ZFAND3: variants seen among roughly 807,000 people sequenced by gnomAD.
The protein encoded by ZFAND3 is AN1-type zinc finger protein 3.
ZFAND3 carries 10 observed loss-of-function variants against 29.6 expected under a neutral mutation model. That is an observed-to-expected ratio of 0.34 (90% confidence interval 0.21 to 0.57). The LOEUF (loss-of-function observed/expected upper bound fraction) is 0.57, where lower values mean the gene tolerates loss of function less well. Ranked by LOEUF, ZFAND3 falls within the 20% of genes least tolerant of loss-of-function variation. ZFAND3 has a pLI of 0.86. For missense variants in ZFAND3, 230 were observed against 304.5 expected, an observed-to-expected ratio of 0.76 and a Z score of 1.82; for synonymous variants, 128 against 112.6, an observed-to-expected ratio of 1.14 and a Z score of -0.87.
At chr6:37,858,246 T>C (rs1245904193) in intron 1 of ZFAND3, among the ~76,000 whole-genome samples, 2 of 152,136 alleles carry the variant, frequency 1.3e-5, no homozygotes, top group African/African-American at 4.8e-5. Context: ...AATATTAGGG[T>C]TGTCTTCACT....
Position 37,819,931 on chromosome 6 carries a change from C to T in ZFAND3, c.-15C>T. The T allele has an allele frequency of 8.2e-7, 1 of 1,215,282 alleles. No homozygotes were observed. The highest frequency in any genetic ancestry group is 1.0e-6 in the Non-Finnish European group (1 of 978,886). 75.3% of individuals were successfully genotyped at this position (1,215,282 alleles called of 1,614,324 possible). A position where few individuals can be genotyped will look rare whatever the true frequency, so the allele number is the denominator to read the frequency against. ...CCACCGCTGCCGCCGCCGAGCTCCG[C>T]CGCCGCCGAGCACCATGGGAGACGC... On this transcript the variant is annotated 5_prime_UTR_variant, in exon 1 of 6. Coordinates refer to ENST00000287218, the MANE Select transcript of ZFAND3 (RefSeq NM_021943.3).
chr6:37,925,467 C>A (rs539829687), intron 1 of ZFAND3, among the ~76,000 whole-genome samples: 45 of 152,236 alleles, frequency 3.0e-4, no homozygotes, highest in African/African-American at 1.1e-3. Context: ...CTTTGGGAGG[C>A]CGAGGTGGGC....
intron 1 of ZFAND3, among the ~76,000 whole-genome samples, chr6:37,870,773 C>T (rs1764681924): frequency 6.6e-6 from 1 of 152,054 alleles, no homozygotes; most frequent in Admixed American, 6.5e-5. Context: ...AGCCTCAAAC[C>T]CCTGGGCTTC....
intron 2 of ZFAND3, among the ~76,000 whole-genome samples, chr6:37,990,654 TATA>T (rs1171761222): frequency 2.6e-5 from 4 of 152,204 alleles, no homozygotes; most frequent in African/African-American, 4.8e-5. Context: ...TATTTTAAAA[TATA>T]ATCAGTATAA....
chr6:37,845,902 T>G (rs1308552527), intron 1 of ZFAND3, among the ~76,000 whole-genome samples: 5 of 152,222 alleles, frequency 3.3e-5, no homozygotes, highest in Non-Finnish European at 7.3e-5. Context: ...TGGTACAGTT[T>G]TTCTTTTCCT....
chr6:38,021,627 C>A (rs1763353601), intron 2 of ZFAND3, among the ~76,000 whole-genome samples: 1 of 152,186 alleles, frequency 6.6e-6, no homozygotes. Context: ...CATAATCTGT[C>A]TTCTTGTGGT....
chr6:37,881,922 A>G (rs1324589063), intron 1 of ZFAND3, among the ~76,000 whole-genome samples: 1 of 152,186 alleles, frequency 6.6e-6, no homozygotes, highest in African/African-American at 2.4e-5. Context: ...ACATTCCTGT[A>G]TAATCACATG....
At chr6:38,124,814 C>T (rs898110019) in intron 5 of ZFAND3, among the ~76,000 whole-genome samples, 8 of 152,214 alleles carry the variant, frequency 5.3e-5, no homozygotes, top group African/African-American at 9.6e-5. Context: ...CCAGAGCGGA[C>T]GCTGAGGCCG....
At chr6:37,967,213 G>T (rs1216808059) in intron 2 of ZFAND3, among the ~76,000 whole-genome samples, 2 of 152,118 alleles carry the variant, frequency 1.3e-5, no homozygotes, top group African/African-American at 4.8e-5. Context: ...CATTTAATTT[G>T]TATCTACTTA....
intron 2 of ZFAND3, among the ~76,000 whole-genome samples, chr6:38,049,054 C>A (rs901172315): frequency 6.6e-6 from 1 of 152,162 alleles, no homozygotes; most frequent in Non-Finnish European, 1.5e-5. Flanking sequence ...GTGAGACTTA[C>A]ACTTGCCAGT....
At chr6:37,832,214 G>C (rs1763876059) in intron 1 of ZFAND3, among the ~76,000 whole-genome samples, 4 of 152,172 alleles carry the variant, frequency 2.6e-5, no homozygotes, top group African/African-American at 9.7e-5. Context: ...ATTGTAGGCT[G>C]GCAGTGGGGA....
intron 4 of ZFAND3, among the ~76,000 whole-genome samples, chr6:38,115,627 G>A (rs753853963): frequency 6.6e-6 from 1 of 152,096 alleles, no homozygotes; most frequent in Non-Finnish European, 1.5e-5. Context: ...GAGGAAGACT[G>A]TTTAGGAGAC....
At position 38,153,086 on chromosome 6, in the gene ZFAND3, C is replaced by A. The variant is rs937396335; in HGVS notation, c.*697C>A. The A allele has an allele frequency of 1.0e-6, 1 of 985,430 alleles. No individual in the cohort carries two copies. The highest frequency in any genetic ancestry group is 1.7e-5 in the African/African-American group (1 of 57,248). 61.0% of individuals were successfully genotyped at this position (985,430 alleles called of 1,614,324 possible). On this transcript the variant is annotated 3_prime_UTR_variant, in exon 6 of 6. Coordinates refer to ENST00000287218, the MANE Select transcript of ZFAND3 (RefSeq NM_021943.3). Reference sequence around the variant, plus strand: ...CTCAAGACTAGTCCACGAACGAGACCCGCCTTTTCTACACAGGATCCAAGG... The same window carrying A: ...CTCAAGACTAGTCCACGAACGAGACACGCCTTTTCTACACAGGATCCAAGG...
intron 1 of ZFAND3, among the ~76,000 whole-genome samples, chr6:37,868,956 G>A (rs1764640937): frequency 1.3e-5 from 2 of 152,140 alleles, no homozygotes; most frequent in African/African-American, 4.8e-5. Context: ...CTGTGGTTTG[G>A]TTTGTGTGAA....
intron 2 of ZFAND3, among the ~76,000 whole-genome samples, chr6:37,980,011 A>C (rs1762553068): frequency 6.6e-6 from 1 of 152,222 alleles, no homozygotes; most frequent in Admixed American, 6.5e-5. Context: ...CTGCAGCTGC[A>C]CAGGTTACAT....
At chr6:37,977,618 A>G (rs1289488816) in intron 2 of ZFAND3, among the ~76,000 whole-genome samples, 1 of 151,930 alleles carries the variant, frequency 6.6e-6, no homozygotes, top group Non-Finnish European at 1.5e-5. Flanking sequence ...ACAATGTTGA[A>G]TAGAGGTGGT....
Position 38,115,802 on chromosome 6 carries a change from CTTAA to C in ZFAND3, c.362-766_362-763del, listed in dbSNP as rs1765405239. 5.3e-5 allele frequency among the ~76,000 whole-genome samples: 8 copies of C among 151,430 alleles called. No homozygotes were observed. The South Asian group carries it at 1.7e-3, about 32-fold the overall frequency. On this transcript the variant is annotated intron_variant, in intron 4 of 5. Coordinates refer to ENST00000287218, the MANE Select transcript of ZFAND3 (RefSeq NM_021943.3). ...GCCTGTGATAAGAGCTTTGTTGCGTCTTAATTACTTTTTTGAAGTTGTGCAAGAC... is the reference window on the plus strand; with the variant it reads ...GCCTGTGATAAGAGCTTTGTTGCGTCTTACTTTTTTGAAGTTGTGCAAGAC...
At chr6:38,066,731 G>A (rs937457396) in intron 3 of ZFAND3, among the ~76,000 whole-genome samples, 2 of 152,168 alleles carry the variant, frequency 1.3e-5, no homozygotes, top group Non-Finnish European at 2.9e-5. Context: ...AGTGGTGAGA[G>A]TCTGGGTACA....
intron 1 of ZFAND3, among the ~76,000 whole-genome samples, chr6:37,925,296 C>A (rs191100455): frequency 3.4e-4 from 51 of 152,232 alleles, no homozygotes; most frequent in Admixed American, 1.0e-3. Context: ...TGGTGGCCAT[C>A]ATAGAAGCAT....
Sources: gnomAD v4.1 joint callset for allele counts (sites outside exome capture counted in the v4.1 genomes callset) on GRCh38, gnomAD v4.1.1 for gene constraint, MANE v1.5 for transcripts, NCBI Gene and HGNC (gene_info 2026-07-23, HGNC 2026-07-21) for gene names.